The following MLIP variants were observed in gnomAD, a reference collection of about 807,000 sequenced individuals.
MLIP encodes the protein muscular LMNA-interacting protein.
MLIP carries 79 observed loss-of-function variants against 84.8 expected under a neutral mutation model. That is an observed-to-expected ratio of 0.93 (90% confidence interval 0.78 to 1.12). The LOEUF is 1.12. MLIP is among the 50% of genes most tolerant of loss of function. The probability of loss-of-function intolerance (pLI) is 0.00; values close to 1 mark genes in which losing one functional copy is unlikely to be tolerated. For missense variants in MLIP, 1,257 were observed against 1,160.6 expected (o/e 1.08, Z -1.21); for synonymous variants, 504 against 463.0 (o/e 1.09, Z -1.14).
chr6:54,231,966 A>G (rs1781035733), intron 12 of MLIP, among the ~76,000 whole-genome samples: 1 of 152,164 alleles, frequency 6.6e-6, no homozygotes, highest in Non-Finnish European at 1.5e-5. Context: ...TTCTATGACA[A>G]CTGAATGATC....
intron 1 of MLIP, among the ~76,000 whole-genome samples, chr6:54,070,161 G>T (rs1331492251): frequency 1.3e-5 from 2 of 152,160 alleles, no homozygotes; most frequent in Non-Finnish European, 2.9e-5. Flanking sequence ...TGATACCCAT[G>T]CACGACTGCT....
intron 1 of MLIP, among the ~76,000 whole-genome samples, chr6:54,114,190 G>A (rs1409842923): frequency 6.6e-6 from 1 of 152,146 alleles, no homozygotes; most frequent in Non-Finnish European, 1.5e-5. Context: ...TTGGCCTTAA[G>A]CCTCTTATTT....
chr6:54,153,588 C>T (rs1265488837), intron 5 of MLIP, among the ~76,000 whole-genome samples: 1 of 152,080 alleles, frequency 6.6e-6, no homozygotes, highest in Non-Finnish European at 1.5e-5. Context: ...TGGCTCATGC[C>T]TGTAATCCCA....
chr6:54,079,254 G>T (rs941893256), intron 1 of MLIP, among the ~76,000 whole-genome samples: 1 of 152,164 alleles, frequency 6.6e-6, no homozygotes, highest in Non-Finnish European at 1.5e-5. Flanking sequence ...CCTCATGGGT[G>T]AATCTGTTTA....
chr6:54,135,481 A>G (rs907964236), intron 3 of MLIP, among the ~76,000 whole-genome samples: 1 of 152,138 alleles, frequency 6.6e-6, no homozygotes, highest in Non-Finnish European at 1.5e-5. Flanking sequence ...ACTATATGAC[A>G]TGAAAACCTC....
At chr6:54,074,606 G>C (rs1018712024) in intron 1 of MLIP, among the ~76,000 whole-genome samples, 3 of 152,124 alleles carry the variant, frequency 2.0e-5, no homozygotes, top group Non-Finnish European at 4.4e-5. Flanking sequence ...TCTTGTGCCG[G>C]TGTTTAACAC....
chr6:54,027,795 G>C (rs546869236), intron 1 of MLIP, among the ~76,000 whole-genome samples: 2 of 152,326 alleles, frequency 1.3e-5, no homozygotes, highest in Non-Finnish European at 2.9e-5. Flanking sequence ...AATTAAAGCA[G>C]TGTCTGCTGA....
At chr6:54,151,878 G>A (rs2754783) in intron 5 of MLIP, among the ~76,000 whole-genome samples, 57,459 of 151,904 alleles carry the variant, frequency 0.38, 12,942 homozygotes, top group African/African-American at 0.63. Context: ...TTAAGCTCTC[G>A]TTGAATTACT....
At chr6:54,181,014 C>T (rs1265009383) in intron 9 of MLIP, among the ~76,000 whole-genome samples, 2 of 152,038 alleles carry the variant, frequency 1.3e-5, no homozygotes, top group Admixed American at 6.6e-5. Flanking sequence ...GGTTTCTTCC[C>T]TTACTTTCTC....
intron 1 of MLIP, among the ~76,000 whole-genome samples, chr6:54,098,153 T>TTC (rs1768355300): frequency 2.0e-5 from 3 of 146,914 alleles, no homozygotes; most frequent in Non-Finnish European, 3.0e-5. Flanking sequence ...TCTTTCTTTT[T>TTC]TTTTTTTTTT....
At chr6:54,166,023 C>T (rs912966826) in intron 8 of MLIP, among the ~76,000 whole-genome samples, 1 of 151,866 alleles carries the variant, frequency 6.6e-6, no homozygotes, top group Non-Finnish European at 1.5e-5. Context: ...TTAGACCTCC[C>T]AGCCTCCAGA....
rs1198606303 is a variant in MLIP, at chr6:54,137,149, G to A, written c.1080G>A (p.Ser360=). The change falls in exon 4 of 14, where the codon TCG becomes TCA. Residue 360 remains serine, a synonymous_variant. Transcript: ENST00000502396. ...CCAGTGCTTCTCTGAAGTCGAATTC[G>A]GCCTCGTACATACCAGTCCGCATTG... ...PSSSASLKSN[S]ASYIPVRIVT... is the part of the protein sequence containing the mutation. 5 of 1,535,832 alleles carry A rather than the reference G, an allele frequency of 3.3e-6. No individual in the cohort carries two copies. The highest frequency in any genetic ancestry group is 2.0e-5 in the Admixed American group (1 of 50,944).
At chr6:54,170,699 A>AT (rs1775680786) in intron 9 of MLIP, among the ~76,000 whole-genome samples, 2 of 151,510 alleles carry the variant, frequency 1.3e-5, no homozygotes, top group African/African-American at 2.4e-5. Flanking sequence ...GATACTAATA[A>AT]TTTTCTTATG....
At chr6:54,191,854 A>G (rs1727123363) in intron 10 of MLIP, among the ~76,000 whole-genome samples, 1 of 152,016 alleles carries the variant, frequency 6.6e-6, no homozygotes, top group Non-Finnish European at 1.5e-5. Context: ...ATTCTCATAT[A>G]TAGTTTCACT....
At chr6:54,123,224 C>T (rs1031555439) in intron 2 of MLIP, among the ~76,000 whole-genome samples, 3 of 152,120 alleles carry the variant, frequency 2.0e-5, no homozygotes, top group African/African-American at 7.2e-5. Flanking sequence ...CTTGAGCCAC[C>T]GCGCCCGGCT....
chr6:54,080,754 A>G (rs1767090368), intron 1 of MLIP, among the ~76,000 whole-genome samples: 1 of 148,626 alleles, frequency 6.7e-6, no homozygotes, highest in Admixed American at 6.7e-5. Flanking sequence ...AAAATACACT[A>G]TATAAATATT....
At chr6:54,023,438 A>G (rs1477218245) in intron 1 of MLIP, among the ~76,000 whole-genome samples, 1 of 151,936 alleles carries the variant, frequency 6.6e-6, no homozygotes, top group Non-Finnish European at 1.5e-5. Context: ...TGTATTTAAA[A>G]ATTTGATATA....
intron 11 of MLIP, among the ~76,000 whole-genome samples, chr6:54,219,347 C>CT (rs201127323): frequency 0.1 from 11,716 of 112,220 alleles, 587 homozygotes; most frequent in East Asian, 0.23. Context: ...GATTTTTTTT[C>CT]TTTTTTTTTT....
chr6:54,105,028 T>C (rs1768911226), intron 1 of MLIP, among the ~76,000 whole-genome samples: 1 of 152,208 alleles, frequency 6.6e-6, no homozygotes, highest in African/African-American at 2.4e-5. Flanking sequence ...GAAGGGCACG[T>C]TGGATAACGC....
Sources: allele counts gnomAD v4.1 joint callset (sites outside exome capture counted in the v4.1 genomes callset), GRCh38; gene constraint gnomAD v4.1.1; transcripts MANE v1.5; gene names NCBI Gene and HGNC (gene_info 2026-07-23, HGNC 2026-07-21).